CDK14: variants seen among roughly 807,000 people sequenced by gnomAD.
CDK14 encodes cyclin dependent kinase 14, also known as cyclin-dependent kinase 14.
A neutral mutation model predicts 60.7 loss-of-function variants in CDK14; 34 were observed. The ratio of observed to expected loss-of-function variants is 0.56; its 90% CI spans 0.43 to 0.75. The LOEUF (loss-of-function observed/expected upper bound fraction) is 0.75, where lower values mean the gene tolerates loss of function less well. Ranked by LOEUF, CDK14 falls within the 30% of genes least tolerant of loss-of-function variation. The pLI, the probability that CDK14 is intolerant of heterozygous loss-of-function variation, is 0.00. For missense variants in CDK14, 482 were observed against 564.1 expected (o/e 0.85, Z 1.47); for synonymous variants, 197 against 203.7 (o/e 0.97, Z 0.28).
intron 2 of CDK14, among the ~76,000 whole-genome samples, chr7:90,612,423 C>T (rs1799560057): frequency 6.6e-6 from 1 of 152,140 alleles, no homozygotes. Context: ...GACCATCTCT[C>T]AGCATCTTAC....
chr7:91,103,137 C>T (rs1164647134), intron 12 of CDK14, among the ~76,000 whole-genome samples: 1 of 152,048 alleles, frequency 6.6e-6, no homozygotes, highest in Non-Finnish European at 1.5e-5. Flanking sequence ...CCTGTAATCC[C>T]AGCTACCCAG....
At chr7:90,929,848 G>T (rs1462149234) in intron 8 of CDK14, among the ~76,000 whole-genome samples, 1 of 152,156 alleles carries the variant, frequency 6.6e-6, no homozygotes, top group Non-Finnish European at 1.5e-5. Flanking sequence ...ACACCTTAGT[G>T]TATACTTTAA....
intron 12 of CDK14, among the ~76,000 whole-genome samples, chr7:91,092,665 TGA>T (rs1798865466): frequency 6.6e-6 from 1 of 152,182 alleles, no homozygotes; most frequent in Non-Finnish European, 1.5e-5. Flanking sequence ...TTAGGCTGTT[TGA>T]TAATAGCATT....
chr7:91,162,702 A>G (rs905153933), intron 14 of CDK14, among the ~76,000 whole-genome samples: 4 of 152,236 alleles, frequency 2.6e-5, no homozygotes, highest in Admixed American at 6.5e-5. Context: ...TGAAGAAAAT[A>G]ATAGTCATAT....
chr7:91,086,393 C>A lies in CDK14; in HGVS notation c.1154+6913C>A, dbSNP rs531230937. Among the ~76,000 whole-genome samples the A allele has an allele frequency of 5.1e-4, 77 of 152,278 alleles. 1 individual carries two copies. Among genetic ancestry groups the A allele is most frequent in the African/African-American group, 1.8e-3 (75 of 41,568 alleles). On this transcript the variant is annotated intron_variant, in intron 12 of 14. Transcript: ENST00000380050. ...GTTGCAAGTGTCTCTATTCCTTTCT[C>A]CTTCTTGTGTTGTCTCTCTCTCTTT...
intron 2 of CDK14, among the ~76,000 whole-genome samples, chr7:90,623,372 A>T (rs562178283): frequency 6.6e-6 from 1 of 152,176 alleles, no homozygotes; most frequent in South Asian, 2.1e-4. Flanking sequence ...GAATTTTGAT[A>T]TCTTTATAGT....
At chr7:91,111,996 C>A (rs1272738694) in intron 12 of CDK14, among the ~76,000 whole-genome samples, 1 of 152,086 alleles carries the variant, frequency 6.6e-6, no homozygotes, top group Non-Finnish European at 1.5e-5. Flanking sequence ...TAAGCACATC[C>A]CCTTTGCTAA....
At chr7:90,823,513 C>A (rs931621614) in intron 5 of CDK14, among the ~76,000 whole-genome samples, 1 of 152,068 alleles carries the variant, frequency 6.6e-6, no homozygotes, top group Non-Finnish European at 1.5e-5. Context: ...GAGAAGAAGC[C>A]CTGTTGGGTT....
chr7:90,957,356 A>G lies in CDK14; in HGVS notation c.947+1539A>G, dbSNP rs139976469. On this transcript the variant is annotated intron_variant, in intron 9 of 14. Coordinates refer to ENST00000380050, the MANE Select transcript of CDK14 (RefSeq NM_001287135.2). ...ATTGTTGGAAGTTCTGGCCAGGGCA[A>G]TTAGGCAGGAGAAGGAAATAAAGGG... Among the ~76,000 whole-genome samples, 195 of 152,288 alleles carry G rather than the reference A, an allele frequency of 1.3e-3. 1 individual carries two copies. The East Asian group carries it at 0.028, about 22-fold the overall frequency.
At chr7:91,018,787 G>T (rs947165383) in intron 10 of CDK14, among the ~76,000 whole-genome samples, 5 of 152,182 alleles carry the variant, frequency 3.3e-5, no homozygotes, top group African/African-American at 1.2e-4. Context: ...GTTCCTCCAT[G>T]ATTGTGAATT....
At chr7:90,953,201 T>TAA (rs3842182) in intron 8 of CDK14, among the ~76,000 whole-genome samples, 4 of 151,620 alleles carry the variant, frequency 2.6e-5, no homozygotes, top group African/African-American at 7.3e-5. Flanking sequence ...TTTAATTGAC[T>TAA]GTGTTCAAAT....
intron 14 of CDK14, among the ~76,000 whole-genome samples, chr7:91,145,365 T>C (rs954192092): frequency 6.6e-6 from 1 of 152,246 alleles, no homozygotes; most frequent in African/African-American, 2.4e-5. Flanking sequence ...CTGGAATTTA[T>C]TGATCTGCAG....
intron 2 of CDK14, among the ~76,000 whole-genome samples, chr7:90,715,948 A>T (rs1802233628): frequency 6.6e-6 from 1 of 151,802 alleles, no homozygotes; most frequent in Non-Finnish European, 1.5e-5. Context: ...GGTGGGGGGA[A>T]TATAGATATC....
chr7:90,926,550 C>T (rs575718067), intron 8 of CDK14, among the ~76,000 whole-genome samples: 1 of 152,286 alleles, frequency 6.6e-6, no homozygotes, highest in Non-Finnish European at 1.5e-5. Context: ...AAAAAATGCC[C>T]TGATGCCTGC....
chr7:90,943,956 T>A (rs1167691481), intron 8 of CDK14, among the ~76,000 whole-genome samples: 1 of 152,162 alleles, frequency 6.6e-6, no homozygotes, highest in Non-Finnish European at 1.5e-5. Flanking sequence ...AATGCTGCTC[T>A]TGCAGGACTG....
chr7:90,864,254 C>T (rs1419277778), intron 6 of CDK14, among the ~76,000 whole-genome samples: 1 of 151,968 alleles, frequency 6.6e-6, no homozygotes, highest in Non-Finnish European at 1.5e-5. Flanking sequence ...ATGATAGATA[C>T]ATTTGAATAA....
At chr7:90,759,243 T>G (rs2116853937) in intron 4 of CDK14, among the ~76,000 whole-genome samples, 1 of 152,250 alleles carries the variant, frequency 6.6e-6, no homozygotes, top group African/African-American at 2.4e-5. Context: ...CTATGTGTCT[T>G]TGTGGAATCC....
chr7:90,665,591 A>C (rs1800962438), intron 2 of CDK14, among the ~76,000 whole-genome samples: 1 of 152,228 alleles, frequency 6.6e-6, no homozygotes, highest in African/African-American at 2.4e-5. Context: ...GTAGCTTTTA[A>C]GTAATGAGGG....
intron 5 of CDK14, among the ~76,000 whole-genome samples, chr7:90,818,754 T>C (rs1332406015): frequency 6.6e-6 from 1 of 152,196 alleles, no homozygotes; most frequent in African/African-American, 2.4e-5. Context: ...TGCAGTGTGT[T>C]TAATAGGAAG....
Sources: gnomAD v4.1 joint callset for allele counts (sites outside exome capture counted in the v4.1 genomes callset) on GRCh38, gnomAD v4.1.1 for gene constraint, MANE v1.5 for transcripts, NCBI Gene and HGNC (gene_info 2026-07-23, HGNC 2026-07-21) for gene names.